SRBD1: variants seen among roughly 807,000 people sequenced by gnomAD.
SRBD1 encodes the protein S1 RNA binding domain 1.
Under a neutral mutation model 115.3 loss-of-function variants are expected in SRBD1, and 88 were observed. The observed-to-expected ratio is 0.76, with a 90% confidence interval of 0.64 to 0.91. The LOEUF (loss-of-function observed/expected upper bound fraction) is 0.91, where lower values mean the gene tolerates loss of function less well. Ranked by LOEUF, SRBD1 falls within the 40% of genes least tolerant of loss-of-function variation. SRBD1 has a pLI of 0.00. For missense variants in SRBD1, 1,385 were observed against 1,177.4 expected, an observed-to-expected ratio of 1.18 and a Z score of -2.58; for synonymous variants, 509 against 407.7, an observed-to-expected ratio of 1.25 and a Z score of -2.99.
At chr2:45,588,806 G>A (rs1237448078) in intron 4 of SRBD1, among the ~76,000 whole-genome samples, 2 of 152,188 alleles carry the variant, frequency 1.3e-5, no homozygotes, top group African/African-American at 4.8e-5. Flanking sequence ...ATTGTTATGA[G>A]GATGGTGGTG....
At position 45,571,517 on chromosome 2, in the gene SRBD1, C is replaced by CAAAAAAAAAAAAAAAAAAAAAAAAAAA. The variant is rs58100763; in HGVS notation, c.1305+1689_1305+1690insTTTTTTTTTTTTTTTTTTTTTTTTTTT. Among the ~76,000 whole-genome samples, 34 of 39,402 alleles carry CAAAAAAAAAAAAAAAAAAAAAAAAAAA rather than the reference C, an allele frequency of 8.6e-4. 1 individual carries two copies. Among genetic ancestry groups the CAAAAAAAAAAAAAAAAAAAAAAAAAAA allele is most frequent in the East Asian group, 1.9e-3 (2 of 1,066 alleles). The allele number at this position is 39,402 out of a possible 152,430, so 25.8% of individuals were successfully genotyped here. A position where few individuals can be genotyped will look rare whatever the true frequency, so the allele number is the denominator to read the frequency against. ...AAAATACAACATATCCAGACTTTACCAAAAAAAAAAAAAAAAAAAAAAAAA... is the reference window on the plus strand; with the variant it reads ...AAAATACAACATATCCAGACTTTACCAAAAAAAAAAAAAAAAAAAAAAAAAAAAAAAAAAAAAAAAAAAAAAAAAAAA... On this transcript the variant is annotated intron_variant, in intron 9 of 20. Transcript: ENST00000263736.
intron 15 of SRBD1, among the ~76,000 whole-genome samples, chr2:45,484,456 G>A (rs1670054372): frequency 6.6e-6 from 1 of 152,136 alleles, no homozygotes; most frequent in Non-Finnish European, 1.5e-5. Flanking sequence ...TGTAAGCTGT[G>A]CCCTCTATCG....
chr2:45,569,434 T>A (rs965720152), intron 9 of SRBD1: 1 of 152,130 alleles, frequency 6.6e-6, no homozygotes, highest in Non-Finnish European at 1.5e-5. Context: ...ACTCAAGCAA[T>A]CCTCCTGCCT....
chr2:45,444,523 A>G (rs1668761977), intron 16 of SRBD1, among the ~76,000 whole-genome samples: 2 of 152,058 alleles, frequency 1.3e-5, no homozygotes, highest in African/African-American at 4.8e-5. Flanking sequence ...TTAACTTTTC[A>G]GGGTAAGTTT....
intron 9 of SRBD1, among the ~76,000 whole-genome samples, chr2:45,569,818 A>T (rs1672954425): frequency 6.6e-6 from 1 of 152,250 alleles, no homozygotes; most frequent in Admixed American, 6.5e-5. Context: ...AGCCAACAGC[A>T]GAGCAACATA....
rs761760971 is a variant in SRBD1, at chr2:45,574,765, T to G, written c.1073-42A>C. On this transcript the variant is annotated intron_variant, in intron 7 of 20. Transcript: ENST00000263736. The stretch of plus-strand genomic sequence containing the variant: ...AAAAGGAAAACAAAAACAAAAAGTA[T>G]ACGATTGGTTTTAAATTCTATAACT... The G allele has an allele frequency of 2.7e-6, 4 of 1,508,686 alleles. No individual in the cohort carries two copies. The African/African-American group carries it at 5.6e-5, about 21-fold the overall frequency. The allele number at this position is 1,508,686 out of a possible 1,614,324, so 93.5% of individuals were successfully genotyped here. A position where few individuals can be genotyped will look rare whatever the true frequency, so the allele number is the denominator to read the frequency against.
chr2:45,413,210 C>T lies in SRBD1; in HGVS notation c.2417G>A (p.Gly806Asp), dbSNP rs1189669949. ...CACTGCAGTTTTGCTCTTCTTTTTGCCCTGCTTCTCATTTGTGACCTCAAC... is the reference window on the plus strand; with the variant it reads ...CACTGCAGTTTTGCTCTTCTTTTTGTCCTGCTTCTCATTTGTGACCTCAAC... ...ADVEVTNEKQ[G>D]KKKSKTAVNV... is the part of the protein sequence containing the mutation. The change falls in exon 19 of 21, where the codon GGC becomes GAC. Residue 806 changes from glycine (G) to aspartate (D), a missense_variant. Coordinates refer to ENST00000263736, the MANE Select transcript of SRBD1 (RefSeq NM_018079.5). The T allele has an allele frequency of 3.1e-6, 5 of 1,614,016 alleles. No homozygotes were observed. The highest frequency in any genetic ancestry group is 3.3e-5 in the Admixed American group (2 of 60,010).
intron 18 of SRBD1, among the ~76,000 whole-genome samples, chr2:45,414,419 C>T (rs377195901): frequency 6.6e-6 from 1 of 151,064 alleles, no homozygotes; most frequent in African/African-American, 2.4e-5. Context: ...TGTGTATATA[C>T]ACATATATAC....
chr2:45,400,953 C>T (rs181720386), intron 19 of SRBD1, among the ~76,000 whole-genome samples: 196 of 152,242 alleles, frequency 1.3e-3, no homozygotes, highest in African/African-American at 4.6e-3. Flanking sequence ...TTTCCTCTAC[C>T]AGCTTTGCCA....
intron 14 of SRBD1, among the ~76,000 whole-genome samples, chr2:45,493,407 A>G (rs938621597): frequency 7.2e-5 from 11 of 152,358 alleles, no homozygotes; most frequent in African/African-American, 1.4e-4. Flanking sequence ...TTAATGCTTA[A>G]AGGGTAGAGC....
At chr2:45,554,438 CT>C (rs762637727) in intron 10 of SRBD1, among the ~76,000 whole-genome samples, 87 of 152,268 alleles carry the variant, frequency 5.7e-4, no homozygotes, top group Admixed American at 1.2e-3. Context: ...CTTTCTTTAT[CT>C]CTTTCTGAGA....
At chr2:45,415,680 AGGGGACGG>A (rs1558564908) in intron 18 of SRBD1, among the ~76,000 whole-genome samples, 1 of 36,732 alleles carries the variant, frequency 2.7e-5, no homozygotes, top group Non-Finnish European at 5.6e-5. Context: ...AGGGGAGGGG[AGGGGACGG>A]GAGAGGAGAG....
chr2:45,496,589 T>C (rs1242723974), intron 14 of SRBD1, among the ~76,000 whole-genome samples: 1 of 152,154 alleles, frequency 6.6e-6, no homozygotes, highest in Admixed American at 6.6e-5. Context: ...ATAACAATGG[T>C]TTCTGCTACA....
intron 14 of SRBD1, among the ~76,000 whole-genome samples, chr2:45,543,335 G>A (rs192936630): frequency 6.6e-6 from 1 of 152,324 alleles, no homozygotes; most frequent in East Asian, 1.9e-4. Context: ...AAATGAATGA[G>A]AGAAAAGACA....
chr2:45,544,421 G>A (rs1296877133), intron 14 of SRBD1, among the ~76,000 whole-genome samples: 1 of 152,116 alleles, frequency 6.6e-6, no homozygotes, highest in African/African-American at 2.4e-5. Flanking sequence ...AGATGCTAAA[G>A]CTAAAAGAGG....
intron 16 of SRBD1, among the ~76,000 whole-genome samples, chr2:45,430,485 C>T (rs1297299753): frequency 2.6e-5 from 4 of 152,060 alleles, no homozygotes; most frequent in African/African-American, 7.2e-5. Context: ...TCAGCAATAA[C>T]GTCACACATC....
chr2:45,601,728 A>G (rs1218650933), intron 3 of SRBD1, among the ~76,000 whole-genome samples, 175 bp downstream of exon 3: 1 of 152,256 alleles, frequency 6.6e-6, no homozygotes, highest in Non-Finnish European at 1.5e-5. Flanking sequence ...GAGAGGGAAA[A>G]GGGAATAGAC....
chr2:45,586,519 A>T (rs1395734773), intron 4 of SRBD1, among the ~76,000 whole-genome samples: 1 of 152,126 alleles, frequency 6.6e-6, no homozygotes, highest in Non-Finnish European at 1.5e-5. Context: ...CACAAATACA[A>T]CATCTTCAAG....
chr2:45,570,205 G>C (rs1672964415), intron 9 of SRBD1, among the ~76,000 whole-genome samples: 1 of 152,158 alleles, frequency 6.6e-6, no homozygotes, highest in Non-Finnish European at 1.5e-5. Context: ...CTGTATACTA[G>C]ACTACAGAAT....
Sources: gnomAD v4.1 joint callset for allele counts (sites outside exome capture counted in the v4.1 genomes callset) on GRCh38, gnomAD v4.1.1 for gene constraint, MANE v1.5 for transcripts, NCBI Gene and HGNC (gene_info 2026-07-23, HGNC 2026-07-21) for gene names.